Variants in SEPTIN14 observed in about 807,000 individuals in gnomAD.
SEPTIN14 encodes the protein septin 14.
In SEPTIN14, 40 loss-of-function variants were observed where a neutral mutation model predicts 53.6. That is an observed-to-expected ratio of 0.75 (90% CI 0.58 to 0.97). SEPTIN14 has a LOEUF of 0.97. SEPTIN14 is among the 50% of genes least tolerant of loss of function. SEPTIN14 has a pLI of 0.00. For synonymous variants in SEPTIN14, 138 were observed against 166.8 expected (o/e 0.83, Z 1.33); for missense variants, 471 against 508.2 (o/e 0.93, Z 0.70).
intron 6 of SEPTIN14, among the ~76,000 whole-genome samples, chr7:55,830,343 A>AT (rs1454944685): frequency 0.033 from 851 of 26,116 alleles, 20 homozygotes; most frequent in Non-Finnish European, 0.042. Flanking sequence ...ATATATATAT[A>AT]TATATATTTT....
intron 6 of SEPTIN14, among the ~76,000 whole-genome samples, chr7:55,832,949 T>G (rs191704280): frequency 6.6e-6 from 1 of 152,080 alleles, no homozygotes; most frequent in Non-Finnish European, 1.5e-5. Context: ...TTGACAAATA[T>G]GCACTTATAC....
At chr7:55,823,199 C>T (rs1040998472) in intron 6 of SEPTIN14, among the ~76,000 whole-genome samples, 5 of 152,212 alleles carry the variant, frequency 3.3e-5, no homozygotes, top group African/African-American at 1.2e-4. Context: ...CACCCTTCAC[C>T]TGTTTTACAT....
intron 7 of SEPTIN14, among the ~76,000 whole-genome samples, chr7:55,816,841 G>C (rs1220217278): frequency 6.6e-6 from 1 of 151,944 alleles, no homozygotes. Context: ...CTTCACCCAT[G>C]CTAAAATGGC....
intron 6 of SEPTIN14, among the ~76,000 whole-genome samples, chr7:55,827,367 G>A (rs1744365397): frequency 6.6e-6 from 1 of 152,194 alleles, no homozygotes; most frequent in Non-Finnish European, 1.5e-5. Flanking sequence ...CCTGTGAAGA[G>A]CCACAAGACA....
chr7:55,805,701 A>C (rs1562705993), intron 8 of SEPTIN14, among the ~76,000 whole-genome samples: 1 of 152,178 alleles, frequency 6.6e-6, no homozygotes, highest in Admixed American at 6.5e-5. Flanking sequence ...ACTTAAGATC[A>C]GAGTATATAG....
At chr7:55,846,064 A>AATAT (rs1562718590) in intron 3 of SEPTIN14, among the ~76,000 whole-genome samples, 1 of 7,384 alleles carries the variant, frequency 1.4e-4, no homozygotes, top group African/African-American at 2.9e-4. Context: ...AAAAAAAAAA[A>AATAT]GTATATATAT....
chr7:55,812,853 G>C (rs1043647158), intron 7 of SEPTIN14, among the ~76,000 whole-genome samples: 4 of 152,088 alleles, frequency 2.6e-5, no homozygotes, highest in Non-Finnish European at 5.9e-5. Context: ...TGGGGAGGGA[G>C]AGTGAAGTGA....
intron 2 of SEPTIN14, among the ~76,000 whole-genome samples, chr7:55,861,501 C>CAA (rs147508733): frequency 3.0e-4 from 29 of 95,178 alleles, no homozygotes; most frequent in Admixed American, 4.6e-4. Context: ...GACTCAGTCT[C>CAA]AAAAAAAAAA....
Position 55,793,708 on chromosome 7 carries a change from G to GA in SEPTIN14, c.*2204dup, listed in dbSNP as rs1204850330. ...AGCAGTAGAATTTTGGTATGTGATT[G>GA]AAGTTAAGTTGAAATAAATTCAAAT... On this transcript the variant is annotated 3_prime_UTR_variant, in exon 10 of 10. Transcript: ENST00000388975. The GA allele has an allele frequency of 6.6e-5, 10 of 152,090 alleles. No individual in the cohort carries two copies. The highest frequency in any genetic ancestry group is 2.4e-4 in the African/African-American group (10 of 41,424). The allele number at this position is 152,090 out of a possible 1,614,324, so 9.4% of individuals were successfully genotyped here. A position where few individuals can be genotyped will look rare whatever the true frequency, so the allele number is the denominator to read the frequency against.
chr7:55,812,591 G>A (rs1788721442), intron 7 of SEPTIN14, among the ~76,000 whole-genome samples: 1 of 152,118 alleles, frequency 6.6e-6, no homozygotes, highest in African/African-American at 2.4e-5. Context: ...GAGTGGGGTG[G>A]AGCAAGGTAG....
At chr7:55,806,978 A>T (rs1206789028) in intron 8 of SEPTIN14, 112 bp downstream of exon 8, 2 of 763,882 alleles carry the variant, frequency 2.6e-6, no homozygotes, top group Admixed American at 6.7e-5. Context: ...TTTCTTTATG[A>T]TGGCTCAAGA....
At chr7:55,846,816 ATAGATTTGGCTAT>A (rs1322663103) in intron 2 of SEPTIN14, among the ~76,000 whole-genome samples, 179 bp from the exon 3 acceptor site, 1 of 152,192 alleles carries the variant, frequency 6.6e-6, no homozygotes, top group Admixed American at 6.6e-5. Flanking sequence ...GTTCAAACAC[ATAGATTTGGCTAT>A]TATTTTTATA....
At chr7:55,831,328 A>G (rs1436517065) in intron 6 of SEPTIN14, among the ~76,000 whole-genome samples, 2 of 152,212 alleles carry the variant, frequency 1.3e-5, no homozygotes, top group African/African-American at 4.8e-5. Context: ...TCACATGCCT[A>G]CAACCAAGTG....
chr7:55,841,647 G>A (rs1302574183), intron 5 of SEPTIN14, among the ~76,000 whole-genome samples: 1 of 152,010 alleles, frequency 6.6e-6, no homozygotes, highest in Non-Finnish European at 1.5e-5. Context: ...CCCGAGGTCG[G>A]GAGTTCGAGA....
chr7:55,857,018 C>T (rs542851423), intron 2 of SEPTIN14, among the ~76,000 whole-genome samples: 72 of 151,604 alleles, frequency 4.7e-4, no homozygotes, highest in Non-Finnish European at 9.4e-4. Context: ...TCCAGTAAGC[C>T]AAGATTGTGC....
chr7:55,814,929 C>T (rs576024726), intron 7 of SEPTIN14, among the ~76,000 whole-genome samples: 24 of 152,092 alleles, frequency 1.6e-4, no homozygotes, highest in Non-Finnish European at 2.5e-4. Flanking sequence ...AGCATGGTAC[C>T]GGCATAAAAA....
rs142417234 is a variant in SEPTIN14 at position 55,834,335 on chromosome 7, A to T, written c.720+90T>A. Reference sequence around the variant, plus strand: ...AGAATCGATTCTCAGCAGAAGCTTTACAAAATTAAAAAAATTAAAAATTCT... The same window carrying T: ...AGAATCGATTCTCAGCAGAAGCTTTTCAAAATTAAAAAAATTAAAAATTCT... On this transcript the variant is annotated intron_variant, in intron 6 of 9. Transcript: ENST00000388975. 682 of 921,672 alleles carry T rather than the reference A, an allele frequency of 7.4e-4. 6 individuals carry two copies. The African/African-American group carries it at 9.5e-3, about 13-fold the overall frequency. The allele number at this position is 921,672 out of a possible 1,614,324, so 57.1% of individuals were successfully genotyped here. A position where few individuals can be genotyped will look rare whatever the true frequency, so the allele number is the denominator to read the frequency against.
At chr7:55,799,473 G>A (rs1458195909) in intron 9 of SEPTIN14, among the ~76,000 whole-genome samples, 4 of 142,534 alleles carry the variant, frequency 2.8e-5, no homozygotes, top group Non-Finnish European at 4.5e-5. Context: ...AGCTGAGATC[G>A]TGCCACTGTA....
chr7:55,834,137 T>A (rs1194389696), intron 6 of SEPTIN14, among the ~76,000 whole-genome samples: 5 of 152,060 alleles, frequency 3.3e-5, no homozygotes, highest in Non-Finnish European at 7.4e-5. Context: ...ATATAAAACA[T>A]CCTCAAATTC....
Sources: gnomAD v4.1 joint callset for allele counts (sites outside exome capture counted in the v4.1 genomes callset) on GRCh38, gnomAD v4.1.1 for gene constraint, MANE v1.5 for transcripts, NCBI Gene and HGNC (gene_info 2026-07-23, HGNC 2026-07-21) for gene names.